Variants in TMEM63A observed in about 807,000 individuals in gnomAD.
TMEM63A encodes the protein mechanosensitive cation channel TMEM63A.
Under a neutral mutation model 100.6 loss-of-function variants are expected in TMEM63A, and 76 were observed. The ratio of observed to expected loss-of-function variants is 0.76; its 90% CI spans 0.63 to 0.91. The LOEUF (loss-of-function observed/expected upper bound fraction) is 0.91. TMEM63A is among the 40% of genes least tolerant of loss of function. The pLI, the probability that TMEM63A is intolerant of heterozygous loss-of-function variation, is 0.00. For missense variants in TMEM63A, 876 were observed against 1,008.8 expected (o/e 0.87, Z 1.78); for synonymous variants, 401 against 401.1 (o/e 1.00, Z 0.00).
chr1:225,882,146 T>G (rs1328381683), intron 1 of TMEM63A, among the ~76,000 whole-genome samples, 158 bp downstream of exon 1: 1 of 152,108 alleles, frequency 6.6e-6, no homozygotes, highest in Admixed American at 6.5e-5. Flanking sequence ...CCGGACCCTC[T>G]CCTCCCACCC....
At chr1:225,880,183 G>A (rs956321722) in intron 1 of TMEM63A, among the ~76,000 whole-genome samples, 1 of 152,192 alleles carries the variant, frequency 6.6e-6, no homozygotes, top group African/African-American at 2.4e-5. Flanking sequence ...CAGGTGGCCA[G>A]TCCTGTCTGC....
chr1:225,859,291 T>C lies in TMEM63A; in HGVS notation c.1282A>G (p.Thr428Ala), dbSNP rs754816246. 1.9e-5 allele frequency: 31 copies of C among 1,613,516 alleles called. No homozygotes were observed. The African/African-American group carries it at 3.7e-4, about 20-fold the overall frequency. The part of the protein sequence containing the change: ...WWLQWLGINF[T>A]LFLGLFFLTT... ...AGGAAAAATAGCCCCAGGAAGAGGG[T>C]GAAGTTGATGCCCAGCCACTGTAGC... Residue 428 changes from threonine (T) to alanine (A), a missense_variant, in exon 15 of 25, where the codon ACC becomes GCC. This residue lies in a region of TMEM63A where 487 missense variants were observed against 581.9 expected (regional missense o/e 0.84). Transcript: ENST00000366835.
chr1:225,862,724 C>A lies in TMEM63A; in HGVS notation c.827+47G>T, dbSNP rs752791493. The A allele has an allele frequency of 5.0e-6, 8 of 1,612,856 alleles. No homozygotes were observed. Among genetic ancestry groups the A allele is most frequent in the Admixed American group, 1.7e-5 (1 of 59,880 alleles). ...CCCTTCCTAGCTGGGAGATGCGAGGCCAGCAAGGAAGGAGGGGGCATCTTG... is the reference window on the plus strand; with the variant it reads ...CCCTTCCTAGCTGGGAGATGCGAGGACAGCAAGGAAGGAGGGGGCATCTTG... On this transcript the variant is annotated intron_variant, in intron 11 of 24. Transcript: ENST00000366835. This position sits in a 1 kb window ranked among gnomAD's most constrained non-coding sequence, Gnocchi z 5.1.
intron 13 of TMEM63A, chr1:225,861,278 C>G: frequency 3.9e-6 from 1 of 254,336 alleles, no homozygotes; most frequent in Non-Finnish European, 7.5e-6. Context: ...AGGGCCATCC[C>G]CCTCCACCCT....
intron 3 of TMEM63A, among the ~76,000 whole-genome samples, chr1:225,876,971 C>T (rs1670836030): frequency 6.6e-6 from 1 of 152,038 alleles, no homozygotes; most frequent in Admixed American, 6.6e-5. Context: ...CTTTAAAAAC[C>T]CCAGGGATGC....
intron 2 of TMEM63A, among the ~76,000 whole-genome samples, chr1:225,878,872 C>G (rs1670943749): frequency 8.8e-6 from 1 of 113,504 alleles, no homozygotes; most frequent in South Asian, 2.9e-4. Context: ...ACCTACCTAC[C>G]TACCTACCTA....
chr1:225,862,889 G>A lies in TMEM63A; in HGVS notation c.747-38C>T. On this transcript the variant is annotated intron_variant, in intron 10 of 24. Transcript: ENST00000366835. The surrounding 1 kb of genome is among the most constrained non-coding windows in gnomAD (Gnocchi z 5.1). ...AGAGAAGGAGGCAAAAGACACCGTT[G>A]GAAAAGAAAACACCCCAAGCAGGAG... 6.2e-7 allele frequency: 1 copy of A among 1,601,428 alleles called. No homozygotes were observed. The highest frequency in any genetic ancestry group is 8.5e-7 in the Non-Finnish European group (1 of 1,171,898).
rs1213070147 is a variant in TMEM63A, at chr1:225,862,964, G to T, written c.747-113C>A. ...GGATGGCAGAGTGATCTCGCTGCTG[G>T]TTTCTGTGCCAGCGGAGACCTCTCT... On this transcript the variant is annotated intron_variant, in intron 10 of 24. Coordinates refer to ENST00000366835, the MANE Select transcript of TMEM63A (RefSeq NM_014698.3). The surrounding 1 kb of genome is among the most constrained non-coding windows in gnomAD (Gnocchi z 5.1). 10 of 1,007,960 alleles carry T rather than the reference G, an allele frequency of 9.9e-6. No individual in the cohort carries two copies. The East Asian group carries it at 1.3e-4, about 13-fold the overall frequency. 62.4% of individuals were successfully genotyped at this position (1,007,960 alleles called of 1,614,324 possible). A position where few individuals can be genotyped will look rare whatever the true frequency, so the allele number is the denominator to read the frequency against.
chr1:225,856,798 AG>A, intron 16 of TMEM63A, 60 bp from the exon 17 acceptor site: 16 of 1,590,008 alleles, frequency 1.0e-5, no homozygotes, highest in Non-Finnish European at 1.4e-5. Flanking sequence ...GCCCCCAGTG[AG>A]GCCCCTGCCA....
intron 3 of TMEM63A, among the ~76,000 whole-genome samples, chr1:225,875,465 C>T (rs147938572): frequency 1.2e-4 from 19 of 152,288 alleles, no homozygotes; most frequent in South Asian, 8.3e-4. Flanking sequence ...TGATCAGAAA[C>T]GGGGGTTTTG....
Position 225,874,331 on chromosome 1 carries a change from A to ATCT in TMEM63A, c.220_222dup (p.Arg74dup). Reference sequence around the variant, plus strand: ...AGGGCAATGCGGCCATAGTCCCAGAATCTTCTTCTTATAATAGAAAACACC... The same window carrying ATCT: ...AGGGCAATGCGGCCATAGTCCCAGAATCTTCTTCTTCTTATAATAGAAAACACC... On this transcript the variant is annotated inframe_insertion, in exon 4 of 25. Transcript: ENST00000366835. The ATCT allele has an allele frequency of 6.2e-7, 1 of 1,614,148 alleles. No homozygotes were observed. The highest frequency in any genetic ancestry group is 8.5e-7 in the Non-Finnish European group (1 of 1,180,034).
At chr1:225,842,438 C>T (rs761149789), downstream of TMEM63A, 118 of 1,613,960 alleles carry the variant, frequency 7.3e-5, no homozygotes, top group Middle Eastern at 1.6e-4. Context: ...TGGACCAATA[C>T]GGAATTCCGA....
chr1:225,847,177 C>G lies in TMEM63A; in HGVS notation c.2287G>C (p.Glu763Gln). 1 of 1,613,360 alleles carries G rather than the reference C, an allele frequency of 6.2e-7. No individual in the cohort carries two copies. Among genetic ancestry groups the G allele is most frequent in the Non-Finnish European group, 8.5e-7 (1 of 1,180,004 alleles). The change falls in exon 24 of 25, where the codon GAG (glutamate) becomes CAG (glutamine). Residue 763 changes from glutamate (E) to glutamine (Q), a missense_variant. By Grantham distance (29) the Glu-to-Gln change is conservative. Coordinates refer to ENST00000366835, the MANE Select transcript of TMEM63A (RefSeq NM_014698.3). ...VPRILNGLAS[E>Q]RTALSPQQQQ... ...TGCTGCGGAGACAGTGCTGTCCTCT[C>G]CGAGGCCAAGCCGTTCAGAATCCGA...
At chr1:225,873,125 G>A (rs1383129381) in intron 4 of TMEM63A, among the ~76,000 whole-genome samples, 1 of 152,166 alleles carries the variant, frequency 6.6e-6, no homozygotes, top group Admixed American at 6.5e-5. Context: ...GTGACCTCAT[G>A]GGGAAGAGAG....
intron 6 of TMEM63A, among the ~76,000 whole-genome samples, chr1:225,869,666 CTT>C (rs10638876): frequency 9.1e-6 from 1 of 109,914 alleles, no homozygotes; most frequent in African/African-American, 3.5e-5. Flanking sequence ...CTTTTCTTTT[CTT>C]TTTTTTTTTT....
rs370857283 is a variant in TMEM63A, at chr1:225,877,597, G to A, written c.-14-3C>T. On this transcript the variant is annotated splice_region_variant and splice_polypyrimidine_tract_variant and intron_variant, in intron 2 of 24. Transcript: ENST00000366835. ...GTCCATCATCGCGCCTGTCTTCCCT[G>A]GAGCACAGGACAACAGGACAAGGCA... The A allele has an allele frequency of 7.5e-6, 12 of 1,609,502 alleles. No homozygotes were observed. In the Middle Eastern group the frequency reaches 5.0e-4, roughly 67 times the overall value.
At chr1:225,857,140 C>A in intron 15 of TMEM63A, 123 bp from the exon 16 acceptor site, 2 of 773,188 alleles carry the variant, frequency 2.6e-6, no homozygotes, top group South Asian at 2.4e-5. Flanking sequence ...ATCTCTGACC[C>A]CAGAACCAAA....
downstream of TMEM63A, among the ~76,000 whole-genome samples, chr1:225,843,544 G>A (rs550788320): frequency 1.3e-5 from 2 of 152,316 alleles, no homozygotes; most frequent in African/African-American, 4.8e-5. Flanking sequence ...CACCTTGGCA[G>A]GGGGTCTGGC....
intron 2 of TMEM63A, among the ~76,000 whole-genome samples, chr1:225,878,595 T>C (rs1670930719): frequency 6.6e-6 from 1 of 152,154 alleles, no homozygotes; most frequent in African/African-American, 2.4e-5. Context: ...AGTGTCCAAG[T>C]TCTCATGCTG....
Sources: gnomAD v4.1 joint callset for allele counts (sites outside exome capture counted in the v4.1 genomes callset) on GRCh38, gnomAD v4.1.1 for gene constraint, gnomAD v4.1.1 regional missense constraint, Gnocchi (gnomAD v3.1) non-coding constraint, MANE v1.5 for transcripts, NCBI Gene and HGNC (gene_info 2026-07-23, HGNC 2026-07-21) for gene names.